The following BAZ2B variants were observed in gnomAD, a reference collection of about 807,000 sequenced individuals.
The protein encoded by BAZ2B is bromodomain adjacent to zinc finger domain 2B.
In BAZ2B, 91 loss-of-function variants were observed where a neutral mutation model predicts 246.0. The observed-to-expected ratio is 0.37, with a 90% CI of 0.31 to 0.44. The LOEUF is 0.44. BAZ2B is among the 20% of genes least tolerant of loss of function. The pLI, the probability that BAZ2B is intolerant of heterozygous loss-of-function variation, is 1.00. For synonymous variants in BAZ2B, 855 were observed against 860.0 expected, an observed-to-expected ratio of 0.99 and a Z score of 0.10; for missense variants, 2,332 against 2,533.7, an observed-to-expected ratio of 0.92 and a Z score of 1.71.
At chr2:159,506,583 C>T (rs1229908923) in intron 2 of BAZ2B, among the ~76,000 whole-genome samples, 1 of 152,034 alleles carries the variant, frequency 6.6e-6, no homozygotes, top group Non-Finnish European at 1.5e-5. Context: ...CCAGATCGGC[C>T]CAGTCCAGAA....
chr2:159,384,692 A>ATT (rs1183937503), intron 23 of BAZ2B, among the ~76,000 whole-genome samples: 1 of 151,668 alleles, frequency 6.6e-6, no homozygotes, highest in Admixed American at 6.6e-5. Flanking sequence ...TACACTGATA[A>ATT]ATAAATACTC....
At chr2:159,680,378 G>A in the BAZ2B span, among the ~76,000 whole-genome samples, 3 of 152,008 alleles carry the variant, frequency 2.0e-5, no homozygotes, top group Non-Finnish European at 4.4e-5. Flanking sequence ...TAGATACCAC[G>A]GTTAGATTCT....
intron 6 of BAZ2B, 83 bp from the exon 7 acceptor site, chr2:159,439,295 T>G: frequency 8.5e-7 from 1 of 1,174,308 alleles, no homozygotes. Flanking sequence ...TTTTTAATTT[T>G]CAAATGATAT....
intron 20 of BAZ2B, among the ~76,000 whole-genome samples, chr2:159,392,645 G>T (rs1177351937): frequency 6.6e-6 from 1 of 152,014 alleles, no homozygotes; most frequent in African/African-American, 2.4e-5. Context: ...TCTCCCACTG[G>T]TCTCCATAGT....
At chr2:159,455,421 T>C (rs2075610610) in intron 3 of BAZ2B, among the ~76,000 whole-genome samples, 1 of 152,114 alleles carries the variant, frequency 6.6e-6, no homozygotes, top group African/African-American at 2.4e-5. Context: ...GCATTAAGTA[T>C]GTTTTGTATC....
the BAZ2B span, among the ~76,000 whole-genome samples, chr2:159,698,187 T>C: frequency 1.3e-5 from 2 of 152,066 alleles, no homozygotes; most frequent in African/African-American, 2.4e-5. Flanking sequence ...CTGGTGAGTT[T>C]AAGAGTTTTC....
rs1358808933 is a variant in BAZ2B, at chr2:159,432,142, A to G, written c.1900+615T>C. ...AGTAACAAATCCACAAACATTTATA[A>G]TATGTATTTCATTTTTGTATTCGCA... On this transcript the variant is annotated intron_variant, in intron 9 of 36. Transcript: ENST00000392783. 3.3e-5 allele frequency among the ~76,000 whole-genome samples: 5 copies of G among 152,280 alleles called. No individual in the cohort carries two copies. The East Asian group carries it at 9.6e-4, about 29-fold the overall frequency.
At chr2:159,528,327 T>C (rs2084971796) in intron 2 of BAZ2B, among the ~76,000 whole-genome samples, 1 of 152,004 alleles carries the variant, frequency 6.6e-6, no homozygotes, top group South Asian at 2.1e-4. Flanking sequence ...GAAGGAAAGA[T>C]GGATTTGAGA....
At chr2:159,439,549 T>A (rs2073003138) in intron 6 of BAZ2B, among the ~76,000 whole-genome samples, 1 of 152,196 alleles carries the variant, frequency 6.6e-6, no homozygotes, top group Non-Finnish European at 1.5e-5. Flanking sequence ...GATACATACA[T>A]CAAAAGTTAC....
intron 3 of BAZ2B, among the ~76,000 whole-genome samples, chr2:159,470,636 A>G (rs1010735438): frequency 2.6e-5 from 4 of 152,236 alleles, no homozygotes; most frequent in Non-Finnish European, 4.4e-5. Flanking sequence ...TAGCAGAGAC[A>G]GAAAGAAGTG....
intron 1 of BAZ2B, among the ~76,000 whole-genome samples, chr2:159,584,371 C>T (rs1249912274): frequency 2.0e-5 from 3 of 152,140 alleles, no homozygotes; most frequent in African/African-American, 4.8e-5. Context: ...CCTACCCACT[C>T]GGCCTTCCAA....
At chr2:159,370,885 T>C (rs564126945) in intron 27 of BAZ2B, among the ~76,000 whole-genome samples, 2 of 151,386 alleles carry the variant, frequency 1.3e-5, no homozygotes, top group African/African-American at 4.8e-5. Context: ...CACTGCAACC[T>C]CTCCTTGCCT....
At chr2:159,365,112 G>T (rs1268116952) in intron 27 of BAZ2B, among the ~76,000 whole-genome samples, 1 of 152,030 alleles carries the variant, frequency 6.6e-6, no homozygotes, top group African/African-American at 2.4e-5. Flanking sequence ...ATATATTGGG[G>T]TTTCTAGATA....
intron 17 of BAZ2B, among the ~76,000 whole-genome samples, chr2:159,399,542 T>C (rs2064632768): frequency 6.6e-6 from 1 of 152,096 alleles, no homozygotes; most frequent in African/African-American, 2.4e-5. Flanking sequence ...ATTGAGACCA[T>C]GCTATTTATC....
At chr2:159,388,458 A>C (rs922421657) in intron 21 of BAZ2B, among the ~76,000 whole-genome samples, 5 of 152,150 alleles carry the variant, frequency 3.3e-5, no homozygotes, top group African/African-American at 1.2e-4. Context: ...CTTTGGTTGG[A>C]CACAGTTTCT....
intron 1 of BAZ2B, among the ~76,000 whole-genome samples, chr2:159,606,168 A>G (rs1400338074): frequency 1.3e-5 from 2 of 152,232 alleles, no homozygotes; most frequent in African/African-American, 2.4e-5. Context: ...AAAGGACTTG[A>G]TTACATAACA....
At chr2:159,384,258 C>T (rs890260442) in intron 23 of BAZ2B, among the ~76,000 whole-genome samples, 1 of 151,916 alleles carries the variant, frequency 6.6e-6, no homozygotes, top group East Asian at 1.9e-4. Context: ...TGAATAAGTG[C>T]CACTTAGCAT....
chr2:159,510,020 A>C (rs951806635), intron 2 of BAZ2B, among the ~76,000 whole-genome samples: 2 of 152,158 alleles, frequency 1.3e-5, no homozygotes, highest in African/African-American at 4.8e-5. Context: ...TGAACCCTGA[A>C]AACTCTAAAG....
chr2:159,500,035 A>G (rs144144525), intron 2 of BAZ2B, among the ~76,000 whole-genome samples: 31 of 152,200 alleles, frequency 2.0e-4, no homozygotes, highest in African/African-American at 5.5e-4. Flanking sequence ...GGTCCCATTT[A>G]TCAGTATTTG....
Sources: allele counts gnomAD v4.1 joint callset (sites outside exome capture counted in the v4.1 genomes callset), GRCh38; gene constraint gnomAD v4.1.1; transcripts MANE v1.5; gene names NCBI Gene and HGNC (gene_info 2026-07-23, HGNC 2026-07-21).